KIF26B: variants seen among roughly 807,000 people sequenced by gnomAD.
The protein encoded by KIF26B is kinesin-like protein KIF26B.
In KIF26B, 63 loss-of-function variants were observed where a neutral mutation model predicts 151.2. The observed-to-expected ratio is 0.42, with a 90% CI of 0.34 to 0.51. KIF26B has a LOEUF of 0.51. Ranked by LOEUF, KIF26B falls within the 20% of genes least tolerant of loss-of-function variation. The pLI is 0.07. For synonymous variants in KIF26B, 1,357 were observed against 1,262.1 expected (o/e 1.08, Z -1.59); for missense variants, 2,813 against 2,913.6 (o/e 0.97, Z 0.79).
At chr1:245,456,485 C>T (rs1015872310) in intron 4 of KIF26B, among the ~76,000 whole-genome samples, 1 of 152,194 alleles carries the variant, frequency 6.6e-6, no homozygotes, top group Non-Finnish European at 1.5e-5. Flanking sequence ...ATACTGAATG[C>T]GATCTTTGCG....
In KIF26B at chr1:245,443,652, T is replaced by C. The variant is rs1659173938; in HGVS notation, c.1166+23907T>C. On this transcript the variant is annotated intron_variant, in intron 4 of 14. Coordinates refer to ENST00000407071, the MANE Select transcript of KIF26B (RefSeq NM_018012.4). ...CACCTAGAGCGGTCATCTCTCTCAC[T>C]GTTCACCTAGAGGAGAGGTCATCTC... 1.9e-5 allele frequency among the ~76,000 whole-genome samples: 2 copies of C among 102,842 alleles called. 1 individual carries two copies. Among genetic ancestry groups the C allele is most frequent in the Non-Finnish European group, 4.2e-5 (2 of 47,854 alleles). The allele number at this position is 102,842 out of a possible 152,430, so 67.5% of individuals were successfully genotyped here.
intron 2 of KIF26B, among the ~76,000 whole-genome samples, chr1:245,344,455 A>C (rs1007567008): frequency 5.0e-5 from 7 of 140,784 alleles, no homozygotes; most frequent in East Asian, 2.2e-4. Flanking sequence ...AGATCGCGCC[A>C]CTGCACTCCA....
At chr1:245,539,555 T>C (rs1661556472) in intron 4 of KIF26B, among the ~76,000 whole-genome samples, 1 of 152,210 alleles carries the variant, frequency 6.6e-6, no homozygotes, top group South Asian at 2.1e-4. Context: ...CAAGAATTCA[T>C]CCAGAAATGA....
At chr1:245,670,434 A>G (rs1458847192) in intron 10 of KIF26B, among the ~76,000 whole-genome samples, 1 of 151,744 alleles carries the variant, frequency 6.6e-6, no homozygotes, top group Non-Finnish European at 1.5e-5. Context: ...GATTTGATAT[A>G]TATTGTGAAA....
chr1:245,360,833 A>G (rs1672802165), intron 2 of KIF26B, among the ~76,000 whole-genome samples: 1 of 152,086 alleles, frequency 6.6e-6, no homozygotes, highest in Admixed American at 6.6e-5. Context: ...CCAACATAGT[A>G]AAACTCCATC....
intron 2 of KIF26B, among the ~76,000 whole-genome samples, chr1:245,195,884 T>G (rs1351562574): frequency 6.6e-6 from 1 of 152,206 alleles, no homozygotes; most frequent in Admixed American, 6.5e-5. Flanking sequence ...AATCATTTCC[T>G]TAAAAGAGTA....
intron 2 of KIF26B, among the ~76,000 whole-genome samples, chr1:245,209,753 A>G (rs1297523743): frequency 6.6e-6 from 1 of 152,224 alleles, no homozygotes; most frequent in Non-Finnish European, 1.5e-5. Flanking sequence ...TGGTATGTGC[A>G]AGGAAGTGAC....
intron 2 of KIF26B, among the ~76,000 whole-genome samples, chr1:245,158,479 C>G (rs1668481306): frequency 3.1e-5 from 1 of 32,264 alleles, no homozygotes; most frequent in South Asian, 9.9e-4. Context: ...AGGTAAAACT[C>G]TTGTTGGTAA....
intron 2 of KIF26B, among the ~76,000 whole-genome samples, chr1:245,362,351 A>G (rs1672841121): frequency 7.1e-6 from 1 of 141,768 alleles, no homozygotes; most frequent in Non-Finnish European, 1.5e-5. Context: ...AGATGGTGAA[A>G]CCCCGTCTCT....
At chr1:245,592,661 C>T (rs961291581) in intron 5 of KIF26B, among the ~76,000 whole-genome samples, 1 of 152,066 alleles carries the variant, frequency 6.6e-6, no homozygotes, top group Non-Finnish European at 1.5e-5. Flanking sequence ...ATCTGCCCTC[C>T]CACCCCCAAA....
chr1:245,188,093 G>A (rs1292194178), intron 2 of KIF26B, among the ~76,000 whole-genome samples: 5 of 151,932 alleles, frequency 3.3e-5, no homozygotes, highest in Admixed American at 2.0e-4. Flanking sequence ...CTGCTTAGCC[G>A]ACATGGCAAA....
intron 4 of KIF26B, among the ~76,000 whole-genome samples, chr1:245,465,139 C>T (rs1218771880): frequency 2.5e-4 from 13 of 51,218 alleles, no homozygotes; most frequent in African/African-American, 1.1e-3. Context: ...CCACCACACC[C>T]GGCTAATTTT....
At chr1:245,390,943 A>AAAAAAAAAAAAAAAAACAAAAAAAAAC (rs1553270131) in intron 3 of KIF26B, among the ~76,000 whole-genome samples, 2 of 118,412 alleles carry the variant, frequency 1.7e-5, no homozygotes, top group African/African-American at 4.1e-5. Flanking sequence ...AAAAAAAAAA[A>AAAAAAAAAAAAAAAAACAAAAAAAAAC]AAAAAAAAAC....
chr1:245,651,958 G>A (rs1337437714), intron 10 of KIF26B, among the ~76,000 whole-genome samples: 1 of 152,148 alleles, frequency 6.6e-6, no homozygotes, highest in East Asian at 1.9e-4. Flanking sequence ...CACAGGAGAG[G>A]AAAGGCTCTT....
rs562520642 is a variant in KIF26B, at chr1:245,268,529, T to A, written c.466-98305T>A. On this transcript the variant is annotated intron_variant, in intron 2 of 14. Coordinates refer to ENST00000407071, the MANE Select transcript of KIF26B (RefSeq NM_018012.4). Reference sequence around the variant, plus strand: ...AATAATAATAATAAAGTTTTTTTTTTAAAAATTGGGATTTTAGACCAATGT... The same window carrying A: ...AATAATAATAATAAAGTTTTTTTTTAAAAAATTGGGATTTTAGACCAATGT... Among the ~76,000 whole-genome samples, 315 of 121,270 alleles carry A rather than the reference T, an allele frequency of 2.6e-3. 1 individual carries two copies. The highest frequency in any genetic ancestry group is 8.5e-3 in the Middle Eastern group (2 of 236). The allele number at this position is 121,270 out of a possible 152,430, so 79.6% of individuals were successfully genotyped here.
At chr1:245,565,875 T>C (rs1165584239) in intron 5 of KIF26B, among the ~76,000 whole-genome samples, 1 of 152,184 alleles carries the variant, frequency 6.6e-6, no homozygotes, top group Non-Finnish European at 1.5e-5. Flanking sequence ...GGTGCTAGCA[T>C]CTCCTTGGCT....
intron 10 of KIF26B, among the ~76,000 whole-genome samples, chr1:245,647,815 T>G (rs1347638080): frequency 2.0e-5 from 3 of 152,216 alleles, no homozygotes; most frequent in African/African-American, 4.8e-5. Context: ...TGGACTGACT[T>G]TAGGAGCTTA....
chr1:245,472,319 C>T (rs1276911818), intron 4 of KIF26B, among the ~76,000 whole-genome samples: 1 of 152,114 alleles, frequency 6.6e-6, no homozygotes, highest in Admixed American at 6.5e-5. Flanking sequence ...CATTGGCCTG[C>T]TTGTAAAACC....
Position 245,166,621 on chromosome 1 carries a change from A to AT in KIF26B, c.465+9941dup, listed in dbSNP as rs1434362661. On this transcript the variant is annotated intron_variant, in intron 2 of 14. Coordinates refer to ENST00000407071, the MANE Select transcript of KIF26B (RefSeq NM_018012.4). The surrounding 1 kb of genome is among the most constrained non-coding windows in gnomAD (Gnocchi z 4.5). Reference sequence around the variant, plus strand: ...GGCTCCGGGGAATGAGGGAGAGCAGATTTCCTCCAGTGACTGCGCATGCGA... The same window carrying AT: ...GGCTCCGGGGAATGAGGGAGAGCAGATTTTCCTCCAGTGACTGCGCATGCGA... 1.3e-5 allele frequency among the ~76,000 whole-genome samples: 2 copies of AT among 152,154 alleles called. No individual in the cohort carries two copies. The highest frequency in any genetic ancestry group is 4.8e-5 in the African/African-American group (2 of 41,432).
Sources: gnomAD v4.1 joint callset for allele counts (sites outside exome capture counted in the v4.1 genomes callset) on GRCh38, gnomAD v4.1.1 for gene constraint, Gnocchi (gnomAD v3.1) non-coding constraint, MANE v1.5 for transcripts, NCBI Gene and HGNC (gene_info 2026-07-23, HGNC 2026-07-21) for gene names.